SKAP2: variants seen among roughly 807,000 people sequenced by gnomAD.
SKAP2 encodes src kinase-associated phosphoprotein 2.
Under a neutral mutation model 54.9 loss-of-function variants are expected in SKAP2, and 28 were observed. That is an observed-to-expected ratio of 0.51 (90% CI 0.38 to 0.70). SKAP2 has a LOEUF of 0.70. Ranked by LOEUF, SKAP2 falls within the 30% of genes least tolerant of loss-of-function variation. SKAP2 has a pLI of 0.00. For synonymous variants in SKAP2, 137 were observed against 134.3 expected (o/e 1.02, Z -0.14); for missense variants, 356 against 424.1 (o/e 0.84, Z 1.41).
At chr7:26,833,960 T>C (rs1784653521) in intron 4 of SKAP2, among the ~76,000 whole-genome samples, 1 of 152,162 alleles carries the variant, frequency 6.6e-6, no homozygotes, top group African/African-American at 2.4e-5. Flanking sequence ...AAAACACTCC[T>C]CAGCAAATGC....
chr7:26,766,272 T>C (rs910454817), intron 4 of SKAP2, among the ~76,000 whole-genome samples: 1 of 152,202 alleles, frequency 6.6e-6, no homozygotes, highest in Non-Finnish European at 1.5e-5. Context: ...GCTCTCTGTT[T>C]GTCTATTATT....
At chr7:26,831,800 A>G (rs913553391) in intron 4 of SKAP2, among the ~76,000 whole-genome samples, 1 of 152,018 alleles carries the variant, frequency 6.6e-6, no homozygotes, top group Non-Finnish European at 1.5e-5. Context: ...TAGAGTGACT[A>G]AGGTATGTCC....
At chr7:26,854,749 T>C (rs1284806147) in intron 2 of SKAP2, 36 bp downstream of exon 2, 1 of 1,542,904 alleles carries the variant, frequency 6.5e-7, no homozygotes, top group South Asian at 1.2e-5. Context: ...ACTGCTTCTA[T>C]GTAAGAAATC....
intron 4 of SKAP2, among the ~76,000 whole-genome samples, chr7:26,779,384 T>C (rs1783378806): frequency 6.6e-6 from 1 of 152,024 alleles, no homozygotes; most frequent in South Asian, 2.1e-4. Context: ...ATTTTATAAG[T>C]AGGTCTCTAT....
intron 6 of SKAP2, among the ~76,000 whole-genome samples, chr7:26,731,524 A>G (rs1383207978): frequency 2.0e-5 from 3 of 152,162 alleles, no homozygotes; most frequent in East Asian, 3.9e-4. Context: ...TTAAATTCCT[A>G]TCAATATACT....
intron 4 of SKAP2, among the ~76,000 whole-genome samples, chr7:26,812,609 T>C (rs779511537): frequency 6.6e-6 from 1 of 152,194 alleles, no homozygotes; most frequent in African/African-American, 2.4e-5. Flanking sequence ...CAAAATATGT[T>C]AAACAATGGG....
chr7:26,742,724 C>T (rs552660425), intron 4 of SKAP2, among the ~76,000 whole-genome samples: 3 of 127,320 alleles, frequency 2.4e-5, no homozygotes, highest in Admixed American at 2.3e-4. Context: ...CATATGAATT[C>T]TTTAAAACAC....
In SKAP2 at chr7:26,793,400, G is replaced by C. The variant is rs951888067; in HGVS notation, c.307+50630C>G. Among the ~76,000 whole-genome samples, 27 of 152,168 alleles carry C rather than the reference G, an allele frequency of 1.8e-4. No individual in the cohort carries two copies. The South Asian group carries it at 2.7e-3, about 15-fold the overall frequency. On this transcript the variant is annotated intron_variant, in intron 4 of 12. Coordinates refer to ENST00000345317, the MANE Select transcript of SKAP2 (RefSeq NM_003930.5). ...TCCTCACAGCTCAATATCCATACAA[G>C]AGAAGCCACTTCACCACCACAGTTT...
At chr7:26,762,078 C>T (rs1177162276) in intron 4 of SKAP2, among the ~76,000 whole-genome samples, 2 of 152,122 alleles carry the variant, frequency 1.3e-5, no homozygotes, top group African/African-American at 4.8e-5. Flanking sequence ...GAAACAGTGA[C>T]ATTTCCCTGG....
intron 6 of SKAP2, among the ~76,000 whole-genome samples, chr7:26,733,561 C>A (rs1787863709): frequency 6.6e-6 from 1 of 151,990 alleles, no homozygotes; most frequent in Non-Finnish European, 1.5e-5. Context: ...TTTTCAACAT[C>A]AAAATATATT....
intron 9 of SKAP2, among the ~76,000 whole-genome samples, chr7:26,719,371 T>C (rs1787530091): frequency 6.6e-6 from 1 of 152,126 alleles, no homozygotes. Context: ...TACTAGCCTC[T>C]TCAAAGTCCA....
At chr7:26,706,282 TAA>T (rs915750446) in intron 9 of SKAP2, among the ~76,000 whole-genome samples, 6 of 152,294 alleles carry the variant, frequency 3.9e-5, no homozygotes, top group Admixed American at 1.3e-4. Context: ...CAAAATTTTA[TAA>T]GAGTCAAGGG....
At chr7:26,787,345 CAG>C (rs984494613) in intron 4 of SKAP2, among the ~76,000 whole-genome samples, 6 of 151,278 alleles carry the variant, frequency 4.0e-5, no homozygotes, top group African/African-American at 1.5e-4. Context: ...CTTTTTGAGA[CAG>C]AGTCTTCCTC....
chr7:26,771,499 A>G (rs78014677), intron 4 of SKAP2, among the ~76,000 whole-genome samples: 1,804 of 152,324 alleles, frequency 0.012, 36 homozygotes, highest in African/African-American at 0.041. Context: ...TCTAGGCCGG[A>G]GTCAGCTGCA....
intron 4 of SKAP2, among the ~76,000 whole-genome samples, chr7:26,838,937 C>T (rs1784765929): frequency 6.6e-6 from 1 of 152,122 alleles, no homozygotes; most frequent in South Asian, 2.1e-4. Context: ...ATCTTATTCA[C>T]CCCCAATTGC....
At chr7:26,836,988 T>C (rs1349589481) in intron 4 of SKAP2, among the ~76,000 whole-genome samples, 2 of 152,186 alleles carry the variant, frequency 1.3e-5, no homozygotes, top group South Asian at 2.1e-4. Context: ...ATATACACCA[T>C]GGAATACTAT....
the SKAP2 span, among the ~76,000 whole-genome samples, chr7:26,659,226 T>C: frequency 1.3e-5 from 2 of 152,218 alleles, no homozygotes; most frequent in African/African-American, 2.4e-5. Flanking sequence ...CTCTTAAAGC[T>C]GCAGTGACTA....
intron 9 of SKAP2, among the ~76,000 whole-genome samples, chr7:26,697,160 G>A (rs929607274): frequency 1.3e-5 from 2 of 152,086 alleles, no homozygotes; most frequent in African/African-American, 2.4e-5. Context: ...TGACTGGACC[G>A]AGGGCACACA....
intron 11 of SKAP2, among the ~76,000 whole-genome samples, chr7:26,673,824 G>A (rs1340567237): frequency 2.0e-5 from 3 of 152,060 alleles, no homozygotes. Flanking sequence ...TGAGCAGTAA[G>A]AGTGACTGGG....
Sources: gnomAD v4.1 joint callset for allele counts (sites outside exome capture counted in the v4.1 genomes callset) on GRCh38, gnomAD v4.1.1 for gene constraint, MANE v1.5 for transcripts, NCBI Gene and HGNC (gene_info 2026-07-23, HGNC 2026-07-21) for gene names.